The following UTP15 variants were observed in gnomAD, a reference collection of about 807,000 sequenced individuals.
UTP15 encodes the protein U3 small nucleolar RNA-associated protein 15 homolog.
A neutral mutation model predicts 59.1 loss-of-function variants in UTP15; 5 were observed. The ratio of observed to expected loss-of-function variants is 0.08; its 90% confidence interval spans 0.04 to 0.18. The LOEUF (loss-of-function observed/expected upper bound fraction) is 0.18. Among genes scored for constraint, UTP15 ranks in the 10% least tolerant of loss-of-function variants. The probability of loss-of-function intolerance (pLI) is 1.00; values close to 1 mark genes in which losing one functional copy is unlikely to be tolerated. For missense variants in UTP15, 494 were observed against 616.7 expected (o/e 0.80, Z 2.11); for synonymous variants, 211 against 212.2 (o/e 0.99, Z 0.05).
In UTP15 at chr5:73,577,948, A is replaced by T; in HGVS notation, c.987A>T (p.Arg329Ser). 1 of 1,588,432 alleles carries T rather than the reference A, an allele frequency of 6.3e-7. No homozygotes were observed. Among genetic ancestry groups the T allele is most frequent in the Non-Finnish European group, 8.5e-7 (1 of 1,173,104 alleles). ...AAGCAAAGAAGGAATCACTTCCCAG[A>T]AGAAGAAGGCCTGCATATCGAACCT... Reference protein sequence around the residue: ...KSEAKKESLPRRRRPAYRTFI... With the variant: ...KSEAKKESLPSRRRPAYRTFI... The change falls in exon 9 of 13, where the codon AGA (arginine) becomes AGT (serine). Residue 329 changes from arginine to serine, a missense_variant. Transcript: ENST00000296792.
At chr5:73,576,405 C>T (rs899149009) in intron 7 of UTP15, among the ~76,000 whole-genome samples, 1 of 151,894 alleles carries the variant, frequency 6.6e-6, no homozygotes, top group Non-Finnish European at 1.5e-5. Flanking sequence ...CACACCCGGC[C>T]CTTCTATTTT....
chr5:73,572,637 A>C lies in UTP15; in HGVS notation c.809+13A>C. ...GCTCACTGGATAGGTTGGCATTTTA[A>C]TTTTTTTGTATATTATTATTAGTGT... On this transcript the variant is annotated intron_variant, in intron 7 of 12. Coordinates refer to ENST00000296792, the MANE Select transcript of UTP15 (RefSeq NM_032175.4). 6.2e-7 allele frequency: 1 copy of C among 1,604,922 alleles called. No homozygotes were observed. Among genetic ancestry groups the C allele is most frequent in the Non-Finnish European group, 8.5e-7 (1 of 1,177,552 alleles).
At chr5:73,572,669 G>A (rs1747966243) in intron 7 of UTP15, 45 bp downstream of exon 7, 3 of 1,549,650 alleles carry the variant, frequency 1.9e-6, no homozygotes, top group Non-Finnish European at 2.6e-6. Flanking sequence ...GTGTACACCT[G>A]TTTACTGCTT....
chr5:73,578,312 T>C, intron 9 of UTP15: 1 of 320,872 alleles, frequency 3.1e-6, no homozygotes, highest in Non-Finnish European at 5.7e-6. Flanking sequence ...ATCATGTCCC[T>C]GTTTGGCACC....
Position 73,581,474 on chromosome 5 carries a change from C to G in UTP15, c.*1380C>G, listed in dbSNP as rs2112066003. ...ACTGGTTTCACAGTTGCTACCTCTC[C>G]TGCTTTTCTCTAATTATTACGCCAA... On this transcript the variant is annotated 3_prime_UTR_variant, in exon 13 of 13. Transcript: ENST00000296792. 6.6e-6 allele frequency: 1 copy of G among 152,242 alleles called. No individual in the cohort carries two copies. Among genetic ancestry groups the G allele is most frequent in the South Asian group, 2.1e-4 (1 of 4,824 alleles). 9.4% of individuals were successfully genotyped at this position (152,242 alleles called of 1,614,324 possible).
chr5:73,572,978 A>G (rs550624601), intron 7 of UTP15, among the ~76,000 whole-genome samples: 49 of 152,048 alleles, frequency 3.2e-4, no homozygotes, highest in African/African-American at 1.1e-3. Context: ...TTTTATTTTT[A>G]GTAGAGACGG....
At chr5:73,575,508 G>C (rs1281517937) in intron 7 of UTP15, among the ~76,000 whole-genome samples, 2 of 151,756 alleles carry the variant, frequency 1.3e-5, no homozygotes, top group Admixed American at 6.6e-5. Flanking sequence ...TAATTCTGAG[G>C]TTGAGAATCC....
Position 73,577,597 on chromosome 5 carries a change from C to T in UTP15, c.895-259C>T, listed in dbSNP as rs563279336. Among the ~76,000 whole-genome samples the T allele has an allele frequency of 5.9e-5, 9 of 152,090 alleles. No individual in the cohort carries two copies. In the East Asian group the frequency reaches 1.3e-3, roughly 23 times the overall value. On this transcript the variant is annotated intron_variant, in intron 8 of 12. Transcript: ENST00000296792. ...CTTGCTACTGTGTAATCTTTGATGC[C>T]GTTAACTATGTATTATACAAACTTT...
At chr5:73,568,804 G>A (rs1310755509) in intron 4 of UTP15, among the ~76,000 whole-genome samples, 200 bp downstream of exon 4, 1 of 152,198 alleles carries the variant, frequency 6.6e-6, no homozygotes, top group Admixed American at 6.5e-5. Context: ...CCCTAGAATT[G>A]TATGTGATAT....
At position 73,579,168 on chromosome 5, in the gene UTP15, G is replaced by T; in HGVS notation, c.1280+18G>T. 6.2e-7 allele frequency: 1 copy of T among 1,612,998 alleles called. No homozygotes were observed. Among genetic ancestry groups the T allele is most frequent in the Non-Finnish European group, 8.5e-7 (1 of 1,179,506 alleles). On this transcript the variant is annotated intron_variant, in intron 11 of 12. Transcript: ENST00000296792. ...TTGATAAGGTATGTTTTTTGTCTGT[G>T]AAACACTTACATTTTGCATCTGAAA...
chr5:73,576,185 AC>A (rs1748084156), intron 7 of UTP15, among the ~76,000 whole-genome samples: 1 of 148,286 alleles, frequency 6.7e-6, no homozygotes, highest in Non-Finnish European at 1.5e-5. Flanking sequence ...GCTCACTGCA[AC>A]CTCTGCCTCC....
At chr5:73,573,580 T>TA (rs1748005012) in intron 7 of UTP15, among the ~76,000 whole-genome samples, 1 of 96,570 alleles carries the variant, frequency 1.0e-5, no homozygotes, top group East Asian at 2.3e-4. Flanking sequence ...ATAAATTAAT[T>TA]TTTTTTTTTT....
intron 7 of UTP15, among the ~76,000 whole-genome samples, chr5:73,573,248 G>GTT (rs775316960): frequency 4.4e-4 from 60 of 135,436 alleles, no homozygotes; most frequent in Non-Finnish European, 4.8e-4. Flanking sequence ...ATATTTTGAA[G>GTT]TTTTTTTTTT....
In UTP15 at chr5:73,579,902, G is replaced by C; in HGVS notation, c.1365G>C (p.Gln455His). ...IIDIYLPVIG[Q>H]SPVVDKKFLL... ...ATATATATCTGCCTGTAATTGGTCA[G>C]TCCCCTGTAGTTGATAAAAAGTTTT... The change falls in exon 13 of 13, where the codon CAG (glutamine) becomes CAC (histidine). Residue 455 changes from glutamine (Q) to histidine (H), a missense_variant. Gln to His is a conservative substitution (Grantham distance 24, BLOSUM62 0). Coordinates refer to ENST00000296792, the MANE Select transcript of UTP15 (RefSeq NM_032175.4). 6.2e-7 allele frequency: 1 copy of C among 1,612,290 alleles called. No individual in the cohort carries two copies. The highest frequency in any genetic ancestry group is 8.5e-7 in the Non-Finnish European group (1 of 1,178,868).
rs1748273608 is a variant in UTP15, at chr5:73,580,614, A to T, written c.*520A>T. ...TCCTTGATATCTACACTTGTCTTAG[A>T]TCACATGCCCTGCTTCAGCTGGTAA... On this transcript the variant is annotated 3_prime_UTR_variant, in exon 13 of 13. Coordinates refer to ENST00000296792, the MANE Select transcript of UTP15 (RefSeq NM_032175.4). 6.6e-6 allele frequency: 1 copy of T among 152,618 alleles called. No homozygotes were observed. Among genetic ancestry groups the T allele is most frequent in the Non-Finnish European group, 1.5e-5 (1 of 68,388 alleles). 9.5% of individuals were successfully genotyped at this position (152,618 alleles called of 1,614,324 possible). A position where few individuals can be genotyped will look rare whatever the true frequency, so the allele number is the denominator to read the frequency against.
At chr5:73,567,481 AT>A (rs745469184) in intron 2 of UTP15, 47 bp downstream of exon 2, 2 of 1,388,292 alleles carry the variant, frequency 1.4e-6, no homozygotes, top group South Asian at 2.6e-5. Flanking sequence ...GTTTATGCCA[AT>A]TTCTCTAGCA....
Position 73,576,970 on chromosome 5 carries a change from C to T in UTP15, c.828C>T (p.Ser276=), listed in dbSNP as rs370277679. 8.1e-6 allele frequency: 13 copies of T among 1,607,228 alleles called. No homozygotes were observed. Among genetic ancestry groups the T allele is most frequent in the Admixed American group, 1.7e-5 (1 of 58,228 alleles). ...GSLDRKVKVY[S]TTSYKVVHSF... ...TTATTAGGAAGGTGAAAGTATACAGCACAACTTCCTACAAAGTAGTCCACA... is the reference window on the plus strand; with the variant it reads ...TTATTAGGAAGGTGAAAGTATACAGTACAACTTCCTACAAAGTAGTCCACA... Residue 276 remains serine, a synonymous_variant, in exon 8 of 13, where the codon AGC becomes AGT. Coordinates refer to ENST00000296792, the MANE Select transcript of UTP15 (RefSeq NM_032175.4).
chr5:73,576,569 G>A (rs536889551), intron 7 of UTP15, among the ~76,000 whole-genome samples: 1 of 152,080 alleles, frequency 6.6e-6, no homozygotes, highest in South Asian at 2.1e-4. Context: ...CCACCTCCCA[G>A]GTTCAAGCAA....
In UTP15 at chr5:73,567,322, C is replaced by T; in HGVS notation, c.-23C>T. 6.5e-7 allele frequency: 1 copy of T among 1,535,532 alleles called. No individual in the cohort carries two copies. The highest frequency in any genetic ancestry group is 1.2e-5 in the South Asian group (1 of 82,450). The stretch of plus-strand genomic sequence containing the variant: ...CAATTCCAAAATAGTGACTCTTGGA[C>T]AATAGTGCAATTATATGGAATTATG... On this transcript the variant is annotated 5_prime_UTR_variant, in exon 2 of 13. Coordinates refer to ENST00000296792, the MANE Select transcript of UTP15 (RefSeq NM_032175.4).
Sources: gnomAD v4.1 joint callset for allele counts (sites outside exome capture counted in the v4.1 genomes callset) on GRCh38, gnomAD v4.1.1 for gene constraint, MANE v1.5 for transcripts, NCBI Gene and HGNC (gene_info 2026-07-23, HGNC 2026-07-21) for gene names.